Variants in CTNND2 observed in about 807,000 individuals in gnomAD.
The protein encoded by CTNND2 is catenin delta 2.
CTNND2 carries 22 observed loss-of-function variants against 144.4 expected under a neutral mutation model. The observed-to-expected ratio is 0.15, with a 90% CI of 0.11 to 0.22. The LOEUF (loss-of-function observed/expected upper bound fraction) is 0.22, where lower values mean the gene tolerates loss of function less well. Among genes scored for constraint, CTNND2 ranks in the 10% least tolerant of loss-of-function variants. The probability of loss-of-function intolerance (pLI) is 1.00; values close to 1 mark genes in which losing one functional copy is unlikely to be tolerated. For missense variants in CTNND2, 1,353 were observed against 1,618.8 expected, an observed-to-expected ratio of 0.84 and a Z score of 2.82; for synonymous variants, 751 against 695.6, an observed-to-expected ratio of 1.08 and a Z score of -1.25.
chr5:11,821,112 T>C (rs977094437), intron 1 of CTNND2, among the ~76,000 whole-genome samples: 1 of 152,216 alleles, frequency 6.6e-6, no homozygotes, highest in Non-Finnish European at 1.5e-5. Context: ...TACAATTGTC[T>C]GTACCTTAAA....
At chr5:11,815,412 T>TAA (rs1167055900) in intron 1 of CTNND2, among the ~76,000 whole-genome samples, 1 of 152,348 alleles carries the variant, frequency 6.6e-6, no homozygotes, top group East Asian at 1.9e-4. Context: ...TGTCATTTAA[T>TAA]AAATTGTTTT....
chr5:11,808,517 T>C (rs1035828844), intron 1 of CTNND2, among the ~76,000 whole-genome samples: 1 of 152,214 alleles, frequency 6.6e-6, no homozygotes, highest in African/African-American at 2.4e-5. Context: ...TGCAAGCAGT[T>C]TCATGCCAAC....
chr5:11,304,607 A>T (rs1354670732), intron 9 of CTNND2, among the ~76,000 whole-genome samples: 2 of 152,208 alleles, frequency 1.3e-5, no homozygotes, highest in Non-Finnish European at 2.9e-5. Context: ...GACAAGGAAC[A>T]GTGGTGGGAG....
At chr5:11,431,989 T>C (rs541623675) in intron 3 of CTNND2, among the ~76,000 whole-genome samples, 21 of 152,150 alleles carry the variant, frequency 1.4e-4, no homozygotes, top group Non-Finnish European at 2.8e-4. Flanking sequence ...AAGATACTTG[T>C]AGAAACACAG....
chr5:11,295,059 A>G (rs1748762943), intron 9 of CTNND2, among the ~76,000 whole-genome samples: 1 of 152,226 alleles, frequency 6.6e-6, no homozygotes, highest in Non-Finnish European at 1.5e-5. Flanking sequence ...TTTGCAGATG[A>G]CATGACTATA....
intron 3 of CTNND2, among the ~76,000 whole-genome samples, chr5:11,414,069 C>G (rs1761743928): frequency 6.6e-6 from 1 of 152,010 alleles, no homozygotes; most frequent in Admixed American, 6.6e-5. Context: ...TACACATGTG[C>G]TTATAAGAGA....
At chr5:10,984,295 T>C (rs1029034753) in intron 20 of CTNND2, among the ~76,000 whole-genome samples, 39 of 152,296 alleles carry the variant, frequency 2.6e-4, no homozygotes, top group Middle Eastern at 3.4e-3. Flanking sequence ...AAGTGCCCCA[T>C]TTGCTGAATG....
Position 11,028,395 on chromosome 5 carries a change from A to C in CTNND2, c.2789-5416T>G, listed in dbSNP as rs193286888. Among the ~76,000 whole-genome samples the C allele has an allele frequency of 2.0e-5, 3 of 152,244 alleles. No homozygotes were observed. In the East Asian group the frequency reaches 5.8e-4, roughly 29 times the overall value. Reference sequence around the variant, plus strand: ...TCTTTATTGCAGTAAAATACTTATAAAATTTACCATTTTATCCATTTTAAG... The same window carrying C: ...TCTTTATTGCAGTAAAATACTTATACAATTTACCATTTTATCCATTTTAAG... On this transcript the variant is annotated intron_variant, in intron 16 of 21. Coordinates refer to ENST00000304623, the MANE Select transcript of CTNND2 (RefSeq NM_001332.4).
intron 1 of CTNND2, among the ~76,000 whole-genome samples, chr5:11,775,112 T>A (rs6884389): frequency 0.86 from 131,011 of 152,162 alleles, 59,168 homozygotes; most frequent in South Asian, 0.99. Flanking sequence ...TTCAAAAGGC[T>A]GAGAAAAGTG....
At chr5:11,481,700 A>G (rs1294326931) in intron 3 of CTNND2, among the ~76,000 whole-genome samples, 2 of 152,116 alleles carry the variant, frequency 1.3e-5, no homozygotes, top group East Asian at 3.9e-4. Context: ...AGAGAACCTA[A>G]AAGGAATTAT....
In CTNND2 at chr5:11,732,211, G is replaced by A. The variant is rs748019397; in HGVS notation, c.99C>T (p.Pro33=). The A allele has an allele frequency of 2.0e-5, 33 of 1,613,852 alleles. No homozygotes were observed. The highest frequency in any genetic ancestry group is 2.0e-4 in the Admixed American group (12 of 59,982). ...CATCCCCGTTGGAGGTGTTTAAGCCGGGGCTCAGGGAACTCGTCTTCTCTG... is the reference window on the plus strand; with the variant it reads ...CATCCCCGTTGGAGGTGTTTAAGCCAGGGCTCAGGGAACTCGTCTTCTCTG... ...SASEKTSSLS[P]GLNTSNGDGS... Residue 33 remains proline, a synonymous_variant, in exon 2 of 22, where the codon CCC becomes CCT. Coordinates refer to ENST00000304623, the MANE Select transcript of CTNND2 (RefSeq NM_001332.4).
chr5:11,778,418 C>T (rs1411019288), intron 1 of CTNND2, among the ~76,000 whole-genome samples: 1 of 152,194 alleles, frequency 6.6e-6, no homozygotes, highest in Non-Finnish European at 1.5e-5. Flanking sequence ...AGATCAGCCA[C>T]TCCAACCAGG....
At chr5:11,165,853 G>A (rs746489832) in intron 11 of CTNND2, among the ~76,000 whole-genome samples, 8 of 151,962 alleles carry the variant, frequency 5.3e-5, no homozygotes, top group Non-Finnish European at 1.0e-4. Context: ...TCTTTTTACT[G>A]AAAGAGATGA....
At chr5:11,752,571 T>G (rs1788684295) in intron 1 of CTNND2, among the ~76,000 whole-genome samples, 1 of 151,558 alleles carries the variant, frequency 6.6e-6, no homozygotes, top group South Asian at 2.1e-4. Flanking sequence ...TCCACTAACA[T>G]GCTGTTTTCA....
intron 18 of CTNND2, among the ~76,000 whole-genome samples, chr5:11,011,014 G>A (rs988014974): frequency 7.2e-5 from 11 of 152,220 alleles, no homozygotes; most frequent in African/African-American, 2.4e-4. Context: ...TTCAAGACAT[G>A]AGCTCACTGT....
At chr5:11,798,788 T>C (rs1178030888) in intron 1 of CTNND2, among the ~76,000 whole-genome samples, 1 of 152,138 alleles carries the variant, frequency 6.6e-6, no homozygotes, top group Non-Finnish European at 1.5e-5. Context: ...GGAGGATTTA[T>C]ATGGTTGCAT....
At chr5:11,603,427 G>A (rs960158187) in intron 2 of CTNND2, among the ~76,000 whole-genome samples, 9 of 152,200 alleles carry the variant, frequency 5.9e-5, no homozygotes, top group Non-Finnish European at 1.2e-4. Flanking sequence ...TGGTGTCACC[G>A]TCAGGACCTC....
chr5:11,749,190 C>T (rs888527408), intron 1 of CTNND2, among the ~76,000 whole-genome samples: 36 of 152,020 alleles, frequency 2.4e-4, no homozygotes, highest in African/African-American at 8.4e-4. Flanking sequence ...TTGACTGAAA[C>T]ATTAGAGGAA....
intron 3 of CTNND2, among the ~76,000 whole-genome samples, chr5:11,457,258 G>T (rs948467806): frequency 5.9e-5 from 9 of 151,742 alleles, no homozygotes; most frequent in African/African-American, 2.2e-4. Flanking sequence ...TTTTTAAGTT[G>T]CCAGGCATGG....
Sources: allele counts gnomAD v4.1 joint callset (sites outside exome capture counted in the v4.1 genomes callset), GRCh38; gene constraint gnomAD v4.1.1; transcripts MANE v1.5; gene names NCBI Gene and HGNC (gene_info 2026-07-23, HGNC 2026-07-21).